FBXO46: variants seen among roughly 807,000 people sequenced by gnomAD.
FBXO46 encodes the protein F-box only protein 46.
Under a neutral mutation model 30.7 loss-of-function variants are expected in FBXO46, and 13 were observed. That is an observed-to-expected ratio of 0.42 (90% CI 0.28 to 0.67). The LOEUF is 0.67. Among genes scored for constraint, FBXO46 ranks in the 30% least tolerant of loss-of-function variants. The probability of loss-of-function intolerance (pLI) is 0.21; values close to 1 mark genes in which losing one functional copy is unlikely to be tolerated. For synonymous variants in FBXO46, 467 were observed against 385.8 expected (o/e 1.21, Z -2.47); for missense variants, 754 against 871.5 (o/e 0.87, Z 1.70).
chr19:45,725,967 G>T (rs1968234171), intron 1 of FBXO46, among the ~76,000 whole-genome samples: 1 of 152,016 alleles, frequency 6.6e-6, no homozygotes, highest in Non-Finnish European at 1.5e-5. Flanking sequence ...CACCTCCTGG[G>T]CCCAAGTGAT....
intron 1 of FBXO46, among the ~76,000 whole-genome samples, chr19:45,728,395 A>G (rs1021768865): frequency 6.6e-6 from 1 of 152,186 alleles, no homozygotes; most frequent in Admixed American, 6.5e-5. Context: ...TTCAAAAACA[A>G]CAACTCACAC....
rs755550595 is a variant in FBXO46 at position 45,711,303 on chromosome 19, G to A, written c.*381C>T. ...AGCGAGAAAGAATTGGGGTGAGGGA[G>A]AGGATGGGGGCCAGAATGGGGGGAC... On this transcript the variant is annotated 3_prime_UTR_variant, in exon 2 of 2. Transcript: ENST00000317683. 10 of 446,330 alleles carry A rather than the reference G, an allele frequency of 2.2e-5. No individual in the cohort carries two copies. The highest frequency in any genetic ancestry group is 9.4e-5 in the Admixed American group (3 of 31,960). The allele number at this position is 446,330 out of a possible 1,614,324, so 27.6% of individuals were successfully genotyped here.
chr19:45,723,706 C>A lies in FBXO46; in HGVS notation c.-79+7143G>T, dbSNP rs141386530. Among the ~76,000 whole-genome samples, 68 of 152,232 alleles carry A rather than the reference C, an allele frequency of 4.5e-4. No homozygotes were observed. In the East Asian group the frequency reaches 7.5e-3, roughly 17 times the overall value. Reference sequence around the variant, plus strand: ...ACGCAGTCTCACTCTGTCACCCAGGCTAGAGTGCAGTGGCATGATCTCAGC... The same window carrying A: ...ACGCAGTCTCACTCTGTCACCCAGGATAGAGTGCAGTGGCATGATCTCAGC... On this transcript the variant is annotated intron_variant, in intron 1 of 1. Coordinates refer to ENST00000317683, the MANE Select transcript of FBXO46 (RefSeq NM_001080469.2).
At chr19:45,731,811 C>A (rs1968318520), upstream of FBXO46, among the ~76,000 whole-genome samples, 1 of 151,482 alleles carries the variant, frequency 6.6e-6, no homozygotes, top group Admixed American at 6.6e-5. Flanking sequence ...AGAATGAGAC[C>A]CTGCTGCCTC....
At position 45,713,304 on chromosome 19, in the gene FBXO46, G is replaced by C; in HGVS notation, c.192C>G (p.Val64=). The part of the protein sequence containing the change: ...ENTPPALATE[V]PASQPAPLLS... Reference sequence around the variant, plus strand: ...GGAGCGGAGCCGGCTGGGAGGCAGGGACCTCAGTGGCCAAGGCGGGTGGTG... The same window carrying C: ...GGAGCGGAGCCGGCTGGGAGGCAGGCACCTCAGTGGCCAAGGCGGGTGGTG... The change falls in exon 2 of 2, where the codon GTC becomes GTG. Residue 64 remains valine, a synonymous_variant. Coordinates refer to ENST00000317683, the MANE Select transcript of FBXO46 (RefSeq NM_001080469.2). The surrounding 1 kb of genome is among the most constrained non-coding windows in gnomAD (Gnocchi z 4.7). 6.2e-7 allele frequency: 1 copy of C among 1,613,676 alleles called. No individual in the cohort carries two copies.
intron 1 of FBXO46, among the ~76,000 whole-genome samples, chr19:45,718,982 C>T (rs1280454975): frequency 6.6e-6 from 1 of 150,734 alleles, no homozygotes; most frequent in African/African-American, 2.4e-5. Context: ...CACGGTGGCT[C>T]ACACCTGTAA....
chr19:45,722,678 C>T (rs867675226), intron 1 of FBXO46, among the ~76,000 whole-genome samples: 2 of 151,760 alleles, frequency 1.3e-5, no homozygotes, highest in African/African-American at 2.4e-5. Flanking sequence ...AGGAGAATGG[C>T]GTGAACCCGG....
intron 1 of FBXO46, among the ~76,000 whole-genome samples, chr19:45,727,419 G>A (rs775829662): frequency 1.2e-4 from 19 of 152,056 alleles, no homozygotes; most frequent in African/African-American, 1.2e-4. Flanking sequence ...TTAGCTGGGC[G>A]TGGTGACACA....
Position 45,710,969 on chromosome 19 carries a change from G to C in FBXO46, c.*715C>G. ...GGCTTCACAGCTTTATGGGGGTGGGGTTGATGGCAGTAGCTTAAATAATAA... is the reference window on the plus strand; with the variant it reads ...GGCTTCACAGCTTTATGGGGGTGGGCTTGATGGCAGTAGCTTAAATAATAA... On this transcript the variant is annotated 3_prime_UTR_variant, in exon 2 of 2. Transcript: ENST00000317683. 1 of 231,302 alleles carries C rather than the reference G, an allele frequency of 4.3e-6. No individual in the cohort carries two copies. Among genetic ancestry groups the C allele is most frequent in the Non-Finnish European group, 8.6e-6 (1 of 116,018 alleles). The allele number at this position is 231,302 out of a possible 1,614,324, so 14.3% of individuals were successfully genotyped here.
intron 1 of FBXO46, among the ~76,000 whole-genome samples, chr19:45,720,798 G>T (rs1968159727): frequency 6.6e-6 from 1 of 151,738 alleles, no homozygotes; most frequent in African/African-American, 2.4e-5. Context: ...AGAGCTCAAG[G>T]TCTAAACTAC....
At chr19:45,721,853 CTTTTT>C (rs893410673) in intron 1 of FBXO46, among the ~76,000 whole-genome samples, 1 of 149,690 alleles carries the variant, frequency 6.7e-6, no homozygotes, top group African/African-American at 2.5e-5. Context: ...CTTTTTTTTT[CTTTTT>C]TTGAGATGGA....
At chr19:45,714,381 T>C (rs1968056278) in intron 1 of FBXO46, 2 of 152,048 alleles carry the variant, frequency 1.3e-5, no homozygotes, top group African/African-American at 2.4e-5. Context: ...TTTTCTTTTT[T>C]TTTTTCAGGT....
At chr19:45,731,355 C>T (rs1181654243), upstream of FBXO46, among the ~76,000 whole-genome samples, 3 of 147,126 alleles carry the variant, frequency 2.0e-5, no homozygotes, top group African/African-American at 7.6e-5. Flanking sequence ...CTTGCTCTGT[C>T]ACCCAGGCTG....
chr19:45,731,782 G>A (rs1016673634), upstream of FBXO46, among the ~76,000 whole-genome samples: 4 of 151,848 alleles, frequency 2.6e-5, no homozygotes, highest in Non-Finnish European at 5.9e-5. Flanking sequence ...CGCCCTCCAT[G>A]CAGTTCAGCC....
Position 45,713,669 on chromosome 19 carries a change from T to C in FBXO46, c.-78-96A>G, listed in dbSNP as rs1013839041. 4.0e-5 allele frequency: 22 copies of C among 555,774 alleles called. No homozygotes were observed. Among genetic ancestry groups the C allele is most frequent in the Non-Finnish European group, 6.1e-5 (19 of 312,290 alleles). 34.4% of individuals were successfully genotyped at this position (555,774 alleles called of 1,614,324 possible). On this transcript the variant is annotated intron_variant, in intron 1 of 1. Transcript: ENST00000317683. This position sits in a 1 kb window ranked among gnomAD's most constrained non-coding sequence, Gnocchi z 4.7. ...CCTCTCCTTAGACCAAACCAGACCA[T>C]CAAGAACTCTATTCCTGGCTGGGCG...
At chr19:45,724,609 G>A (rs1968213908) in intron 1 of FBXO46, among the ~76,000 whole-genome samples, 1 of 151,828 alleles carries the variant, frequency 6.6e-6, no homozygotes, top group Non-Finnish European at 1.5e-5. Flanking sequence ...GAGTTTGAGA[G>A]CAGCCTGGGC....
At position 45,712,222 on chromosome 19, in the gene FBXO46, G is replaced by C. The variant is rs774725765; in HGVS notation, c.1274C>G (p.Ala425Gly). 5 of 1,605,178 alleles carry C rather than the reference G, an allele frequency of 3.1e-6. 1 individual carries two copies. In the Admixed American group the frequency reaches 8.4e-5, roughly 27 times the overall value. Residue 425 changes from alanine to glycine, a missense_variant, in exon 2 of 2, where the codon GCC (alanine) becomes GGC (glycine). Physicochemically the swap from Ala to Gly is moderately conservative, Grantham distance 60. Coordinates refer to ENST00000317683, the MANE Select transcript of FBXO46 (RefSeq NM_001080469.2). This position sits in a 1 kb window ranked among gnomAD's most constrained non-coding sequence, Gnocchi z 8.8. ...GCCGGGCGCAGTGGCCGGGGAGTCG[G>C]CCGGGGGTGGCTCCGGGGGCCCGTC... ...GPDGPPEPPP[A>G]DSPATAPGPD...
intron 1 of FBXO46, among the ~76,000 whole-genome samples, chr19:45,720,214 C>A (rs1443899528): frequency 1.3e-5 from 2 of 152,030 alleles, no homozygotes; most frequent in African/African-American, 2.4e-5. Context: ...ATCACTGCAA[C>A]CTCTGCCTCC....
chr19:45,718,564 A>G (rs1968131506), intron 1 of FBXO46, among the ~76,000 whole-genome samples: 1 of 151,988 alleles, frequency 6.6e-6, no homozygotes, highest in Admixed American at 6.6e-5. Flanking sequence ...ACTGCAATAC[A>G]TTCCCCCTCT....
Sources: gnomAD v4.1 joint callset for allele counts (sites outside exome capture counted in the v4.1 genomes callset) on GRCh38, gnomAD v4.1.1 for gene constraint, Gnocchi (gnomAD v3.1) non-coding constraint, MANE v1.5 for transcripts, NCBI Gene and HGNC (gene_info 2026-07-23, HGNC 2026-07-21) for gene names.